Variants in ZRANB1 observed in about 807,000 individuals in gnomAD.
ZRANB1 encodes the protein ubiquitin thioesterase ZRANB1.
A neutral mutation model predicts 80.5 loss-of-function variants in ZRANB1; 16 were observed. The ratio of observed to expected loss-of-function variants is 0.20; its 90% CI spans 0.13 to 0.30. ZRANB1 has a LOEUF of 0.30. Ranked by LOEUF, ZRANB1 falls within the 10% of genes least tolerant of loss-of-function variation. The pLI, the probability that ZRANB1 is intolerant of heterozygous loss-of-function variation, is 1.00. For synonymous variants in ZRANB1, 291 were observed against 293.1 expected (o/e 0.99, Z 0.07); for missense variants, 576 against 862.6 (o/e 0.67, Z 4.16).
Position 124,983,788 on chromosome 10 carries a change from T to C in ZRANB1, c.1908+100T>C, listed in dbSNP as rs1951965287. On this transcript the variant is annotated intron_variant, in intron 8 of 8. Coordinates refer to ENST00000359653, the MANE Select transcript of ZRANB1 (RefSeq NM_017580.3). The surrounding 1 kb of genome is among the most constrained non-coding windows in gnomAD (Gnocchi z 6.2). ...TGGTTTTATCTGCACTATCACTTAA[T>C]TTCTGAATGTGATGGTAGTAATTGC... The C allele has an allele frequency of 2.4e-6, 2 of 824,402 alleles. No homozygotes were observed. The highest frequency in any genetic ancestry group is 3.6e-5 in the South Asian group (2 of 55,884). The allele number at this position is 824,402 out of a possible 1,614,324, so 51.1% of individuals were successfully genotyped here.
chr10:124,949,522 C>T (rs10901844), intron 1 of ZRANB1, among the ~76,000 whole-genome samples: 570 of 33,910 alleles, frequency 0.017, 15 homozygotes, highest in Non-Finnish European at 0.042. Flanking sequence ...CACACACACA[C>T]ATTTTTTTTT....
chr10:124,969,271 G>A (rs1327021746), intron 2 of ZRANB1, among the ~76,000 whole-genome samples: 1 of 152,206 alleles, frequency 6.6e-6, no homozygotes, highest in Non-Finnish European at 1.5e-5. Flanking sequence ...CGTGGGACGT[G>A]TAGAACAACC....
At chr10:124,962,329 C>G in intron 1 of ZRANB1, 1 of 975,102 alleles carries the variant, frequency 1.0e-6, no homozygotes, top group Non-Finnish European at 1.2e-6. Flanking sequence ...CCACCCTGAC[C>G]CCACAGCATA....
chr10:124,962,310 A>G (rs1951740450), intron 1 of ZRANB1: 1 of 892,734 alleles, frequency 1.1e-6, no homozygotes, highest in African/African-American at 1.8e-5. Flanking sequence ...GTGCCAGCCG[A>G]CTCCAGGTCC....
At chr10:124,957,172 G>T (rs1951693602) in intron 1 of ZRANB1, among the ~76,000 whole-genome samples, 1 of 145,634 alleles carries the variant, frequency 6.9e-6, no homozygotes. Flanking sequence ...AACAGCACCT[G>T]TTTTTTTTTT....
At chr10:124,942,100 A>G (rs887352905), upstream of ZRANB1, 26 of 1,020,188 alleles carry the variant, frequency 2.5e-5, no homozygotes, top group Admixed American at 4.5e-4. Flanking sequence ...TCTTTAAACT[A>G]TTGGTTACTT....
At chr10:124,935,605 A>T in the ZRANB1 span, among the ~76,000 whole-genome samples, 2 of 152,174 alleles carry the variant, frequency 1.3e-5, no homozygotes, top group Non-Finnish European at 2.9e-5. Flanking sequence ...CTGTGGCTTG[A>T]CACCTAGTTT....
At chr10:124,961,263 C>T (rs556032155) in intron 1 of ZRANB1, among the ~76,000 whole-genome samples, 1 of 152,306 alleles carries the variant, frequency 6.6e-6, no homozygotes, top group East Asian at 1.9e-4. Context: ...ACCTCGGCCT[C>T]CCAAAGTGCT....
chr10:124,984,715 C>T, intron 8 of ZRANB1, 59 bp from the exon 9 acceptor site: 1 of 1,540,414 alleles, frequency 6.5e-7, no homozygotes, highest in Non-Finnish European at 8.8e-7. Context: ...ATGTCACATT[C>T]CTACCAAGTC....
At chr10:124,922,313 ATGTAAAATATATGTATATATATATTTT>A in the ZRANB1 span, among the ~76,000 whole-genome samples, 2 of 26,396 alleles carry the variant, frequency 7.6e-5, no homozygotes, top group East Asian at 6.9e-3. Flanking sequence ...ATATATATAT[ATGTAAAATATATGTATATATATATTTT>A]TTTTTTAATA....
chr10:124,925,397 T>C, the ZRANB1 span, among the ~76,000 whole-genome samples: 2 of 152,198 alleles, frequency 1.3e-5, no homozygotes, highest in Admixed American at 6.5e-5. Context: ...ATATCTTGTT[T>C]AGAGTGGTGT....
chr10:124,949,447 A>ATG lies in ZRANB1; in HGVS notation c.814+6142_814+6143dup, dbSNP rs1233404458. On this transcript the variant is annotated intron_variant, in intron 1 of 8. Transcript: ENST00000359653. ...TGTATATATATATGTTTACACACAT[A>ATG]TGTATATATATATGTTTACACACAC... 2.7e-3 allele frequency among the ~76,000 whole-genome samples: 214 copies of ATG among 77,950 alleles called. 1 individual carries two copies. The highest frequency in any genetic ancestry group is 4.5e-3 in the Non-Finnish European group (138 of 30,908). 51.1% of individuals were successfully genotyped at this position (77,950 alleles called of 152,430 possible).
chr10:124,945,059 G>A (rs1015082955), intron 1 of ZRANB1: 9 of 152,156 alleles, frequency 5.9e-5, no homozygotes, highest in African/African-American at 1.9e-4. Flanking sequence ...GATACAAAAG[G>A]GTTTTGTTAT....
chr10:124,947,107 C>T (rs966637061), intron 1 of ZRANB1, among the ~76,000 whole-genome samples: 1 of 152,152 alleles, frequency 6.6e-6, no homozygotes, highest in South Asian at 2.1e-4. Context: ...AACATATTGA[C>T]ATAGCTGTTG....
chr10:124,974,069 A>G (rs1487556242), intron 4 of ZRANB1, 131 bp from the exon 5 acceptor site: 2 of 810,282 alleles, frequency 2.5e-6, no homozygotes, highest in Non-Finnish European at 3.8e-6. Context: ...CAATTGGTCA[A>G]TTTTATTTAG....
chr10:124,966,717 A>G lies in ZRANB1; in HGVS notation c.938A>G (p.Tyr313Cys). The G allele has an allele frequency of 1.9e-6, 3 of 1,614,182 alleles. No individual in the cohort carries two copies. Among genetic ancestry groups the G allele is most frequent in the Non-Finnish European group, 2.5e-6 (3 of 1,180,034 alleles). Residue 313 changes from tyrosine (Y) to cysteine (C), a missense_variant, in exon 2 of 9, where the codon TAT becomes TGT. By Grantham distance (194) the Tyr-to-Cys change is radical. This residue lies in a region of ZRANB1 where 411 missense variants were observed against 583.1 expected (regional missense o/e 0.70). Coordinates refer to ENST00000359653, the MANE Select transcript of ZRANB1 (RefSeq NM_017580.3). Reference sequence around the variant, plus strand: ...CGTCCTTCTGCCTTTGATGTTGGCTATACTCTTGTACACTTGGCTATACGT... The same window carrying G: ...CGTCCTTCTGCCTTTGATGTTGGCTGTACTCTTGTACACTTGGCTATACGT... ...LNRPSAFDVG[Y>C]TLVHLAIRFQ...
At chr10:124,970,259 T>C (rs1281149350) in intron 2 of ZRANB1, among the ~76,000 whole-genome samples, 1 of 152,126 alleles carries the variant, frequency 6.6e-6, no homozygotes, top group Non-Finnish European at 1.5e-5. Context: ...TAGGAGTTTT[T>C]AAATTTTTTA....
intron 5 of ZRANB1, among the ~76,000 whole-genome samples, chr10:124,978,120 G>A (rs1951896090): frequency 6.6e-6 from 1 of 152,274 alleles, no homozygotes; most frequent in African/African-American, 2.4e-5. Context: ...CCATGGATTC[G>A]GGAGATCAGA....
At chr10:124,929,396 C>T in the ZRANB1 span, among the ~76,000 whole-genome samples, 11 of 149,660 alleles carry the variant, frequency 7.3e-5, no homozygotes, top group Admixed American at 1.3e-4. Flanking sequence ...AGTGCAGTGG[C>T]GAGATCTCGG....
Sources: allele counts gnomAD v4.1 joint callset (sites outside exome capture counted in the v4.1 genomes callset), GRCh38; gene constraint gnomAD v4.1.1; regional missense constraint gnomAD v4.1.1; non-coding constraint Gnocchi (gnomAD v3.1); transcripts MANE v1.5; gene names NCBI Gene and HGNC (gene_info 2026-07-23, HGNC 2026-07-21).